Variants in OPRD1 observed in about 807,000 individuals in gnomAD.
OPRD1 encodes the protein delta-type opioid receptor.
A neutral mutation model predicts 17.5 loss-of-function variants in OPRD1; 19 were observed. The observed-to-expected ratio is 1.09, with a 90% CI of 0.76 to 1.60. OPRD1 has a LOEUF of 1.60. Among genes scored for constraint, OPRD1 ranks in the 40% most tolerant of loss-of-function variants. The probability of loss-of-function intolerance (pLI) is 0.00; values close to 1 mark genes in which losing one functional copy is unlikely to be tolerated. For synonymous variants in OPRD1, 256 were observed against 240.9 expected (o/e 1.06, Z -0.58); for missense variants, 483 against 547.2 (o/e 0.88, Z 1.17).
chr1:28,822,241 G>A (rs534094496), intron 1 of OPRD1, among the ~76,000 whole-genome samples: 12 of 152,038 alleles, frequency 7.9e-5, no homozygotes, highest in South Asian at 2.1e-4. Context: ...GAGCCACCGC[G>A]CCCTGCTATT....
intron 1 of OPRD1, among the ~76,000 whole-genome samples, chr1:28,812,998 G>T (rs1400402898): frequency 1.3e-5 from 2 of 152,170 alleles, no homozygotes; most frequent in Non-Finnish European, 2.9e-5. Context: ...GGGCAGAGCT[G>T]CTCTGAGGTG....
intron 1 of OPRD1, among the ~76,000 whole-genome samples, chr1:28,838,889 G>C (rs1231661246): frequency 6.6e-6 from 1 of 152,038 alleles, no homozygotes; most frequent in African/African-American, 2.4e-5. Flanking sequence ...GCTTCTCCTT[G>C]GGCTGCCCTT....
At chr1:28,838,844 G>T (rs1211264433) in intron 1 of OPRD1, among the ~76,000 whole-genome samples, 1 of 152,104 alleles carries the variant, frequency 6.6e-6, no homozygotes, top group African/African-American at 2.4e-5. Context: ...GACAGAGCTG[G>T]GGCTTCAGTA....
intron 1 of OPRD1, 35 bp downstream of exon 1, chr1:28,812,645 A>G (rs1267927367): frequency 6.9e-7 from 1 of 1,444,982 alleles, no homozygotes; most frequent in South Asian, 1.4e-5. Flanking sequence ...GCAGGGCTGG[A>G]GCCCGGGGTG....
At chr1:28,846,612 G>T (rs910761426) in intron 1 of OPRD1, among the ~76,000 whole-genome samples, 3 of 151,836 alleles carry the variant, frequency 2.0e-5, no homozygotes, top group Non-Finnish European at 2.9e-5. Context: ...GAACCCAGGA[G>T]GTGGAGGTTG....
At chr1:28,821,570 A>G (rs1018384966) in intron 1 of OPRD1, among the ~76,000 whole-genome samples, 2 of 152,210 alleles carry the variant, frequency 1.3e-5, no homozygotes, top group East Asian at 1.9e-4. Flanking sequence ...TCAGGGTCAC[A>G]TGTCGAAGTC....
chr1:28,857,862 G>A (rs1377111856), intron 1 of OPRD1, among the ~76,000 whole-genome samples: 6 of 151,938 alleles, frequency 3.9e-5, no homozygotes, highest in Admixed American at 1.3e-4. Flanking sequence ...GCACTATCTC[G>A]GCTCACTGCA....
chr1:28,835,271 C>T (rs2088842578), intron 1 of OPRD1, among the ~76,000 whole-genome samples: 1 of 152,176 alleles, frequency 6.6e-6, no homozygotes, highest in East Asian at 1.9e-4. Flanking sequence ...AGCTGCTCTT[C>T]CCTGGCTGCC....
intron 1 of OPRD1, among the ~76,000 whole-genome samples, chr1:28,832,707 C>G (rs1466765287): frequency 6.6e-6 from 1 of 151,978 alleles, no homozygotes. Context: ...CAGTTCTGTT[C>G]ATTCTACACT....
intron 1 of OPRD1, among the ~76,000 whole-genome samples, chr1:28,855,540 G>C (rs2089048912): frequency 6.6e-6 from 1 of 152,066 alleles, no homozygotes; most frequent in Admixed American, 6.5e-5. Context: ...ACGGGGCGTG[G>C]CTGTGGGTGG....
intron 1 of OPRD1, among the ~76,000 whole-genome samples, chr1:28,817,912 G>T (rs933093635): frequency 6.9e-6 from 1 of 144,062 alleles, no homozygotes; most frequent in African/African-American, 2.5e-5. Flanking sequence ...CGGGGGGGGG[G>T]TTTCACCATG....
chr1:28,859,941 C>A (rs2089097860), intron 2 of OPRD1, among the ~76,000 whole-genome samples: 1 of 152,244 alleles, frequency 6.6e-6, no homozygotes, highest in Non-Finnish European at 1.5e-5. Context: ...ACTCCCATCA[C>A]AATCCAGTGT....
intron 1 of OPRD1, among the ~76,000 whole-genome samples, chr1:28,857,825 G>A (rs1005776927): frequency 6.7e-6 from 1 of 149,996 alleles, no homozygotes; most frequent in African/African-American, 2.5e-5. Flanking sequence ...CGGAGTCTCG[G>A]TCTGTCGCCC....
rs966098522 is a variant in OPRD1 at position 28,868,908 on chromosome 1, T to C, written c.*5625T>C. ...GGGCCCACTAGCATCCTGAGAGGACTTGGAAGAACAACAGTCCAGGCTGGG... is the reference window on the plus strand; with the variant it reads ...GGGCCCACTAGCATCCTGAGAGGACCTGGAAGAACAACAGTCCAGGCTGGG... On this transcript the variant is annotated 3_prime_UTR_variant, in exon 3 of 3. Transcript: ENST00000234961. 2 of 151,908 alleles carry C rather than the reference T, an allele frequency of 1.3e-5. No individual in the cohort carries two copies. The highest frequency in any genetic ancestry group is 2.4e-5 in the African/African-American group (1 of 41,336). The allele number at this position is 151,908 out of a possible 1,614,324, so 9.4% of individuals were successfully genotyped here.
intron 1 of OPRD1, among the ~76,000 whole-genome samples, chr1:28,856,164 T>G (rs1470943628): frequency 6.6e-6 from 1 of 152,230 alleles, no homozygotes; most frequent in Non-Finnish European, 1.5e-5. Flanking sequence ...TCAGGAGGTC[T>G]CAGTTCTCGC....
intron 1 of OPRD1, among the ~76,000 whole-genome samples, chr1:28,824,336 A>G (rs543978376): frequency 6.1e-5 from 7 of 115,066 alleles, no homozygotes; most frequent in Non-Finnish European, 8.4e-5. Context: ...TTTTTTTGAG[A>G]TGGCGTCTGG....
At position 28,862,983 on chromosome 1, in the gene OPRD1, T is replaced by C. The variant is rs142127727; in HGVS notation, c.819T>C (p.Cys273=). The C allele has an allele frequency of 2.1e-5, 34 of 1,610,776 alleles. No homozygotes were observed. Among genetic ancestry groups the C allele is most frequent in the Non-Finnish European group, 2.6e-5 (31 of 1,178,770 alleles). Residue 273 remains cysteine (C), a synonymous_variant, in exon 3 of 3, where the codon TGT becomes TGC. Coordinates refer to ENST00000234961, the MANE Select transcript of OPRD1 (RefSeq NM_000911.4). The stretch of plus-strand genomic sequence containing the variant: ...TGGTTGTGGGCGCCTTCGTGGTGTG[T>C]TGGGCGCCCATCCACATCTTCGTCA... ...VLVVVGAFVV[C]WAPIHIFVIV...
chr1:28,842,192 G>C (rs1289092416), intron 1 of OPRD1, among the ~76,000 whole-genome samples: 1 of 152,028 alleles, frequency 6.6e-6, no homozygotes, highest in African/African-American at 2.4e-5. Flanking sequence ...ACCACGCCCA[G>C]CTAACTTTTG....
chr1:28,826,613 AC>A (rs2088770889), intron 1 of OPRD1, among the ~76,000 whole-genome samples: 1 of 152,210 alleles, frequency 6.6e-6, no homozygotes. Context: ...ATTTTAAAAT[AC>A]TTTTATTGCT....
Sources: allele counts gnomAD v4.1 joint callset (sites outside exome capture counted in the v4.1 genomes callset), GRCh38; gene constraint gnomAD v4.1.1; transcripts MANE v1.5; gene names NCBI Gene and HGNC (gene_info 2026-07-23, HGNC 2026-07-21).